Variants in PLD1 observed in about 807,000 individuals in gnomAD.
PLD1 encodes the protein phospholipase D1.
PLD1 carries 112 observed loss-of-function variants against 137.1 expected under a neutral mutation model. The ratio of observed to expected loss-of-function variants is 0.82; its 90% CI spans 0.70 to 0.96. The LOEUF is 0.96. Among genes scored for constraint, PLD1 ranks in the 40% least tolerant of loss-of-function variants. The pLI, the probability that PLD1 is intolerant of heterozygous loss-of-function variation, is 0.00. For synonymous variants in PLD1, 431 were observed against 454.7 expected, an observed-to-expected ratio of 0.95 and a Z score of 0.66; for missense variants, 1,321 against 1,342.0, an observed-to-expected ratio of 0.98 and a Z score of 0.24.
intron 18 of PLD1, among the ~76,000 whole-genome samples, chr3:171,675,843 CTTTT>C (rs199846452): frequency 1.0e-4 from 14 of 138,652 alleles, no homozygotes; most frequent in Admixed American, 1.4e-4. Flanking sequence ...TGAATATGTA[CTTTT>C]TTTTTTTTTT....
At chr3:171,742,259 T>A (rs1213807097) in intron 1 of PLD1, among the ~76,000 whole-genome samples, 1 of 152,150 alleles carries the variant, frequency 6.6e-6, no homozygotes, top group Non-Finnish European at 1.5e-5. Context: ...AGGGTCTTGC[T>A]CTCTTGCCCA....
chr3:171,673,782 T>A (rs1247470493), intron 19 of PLD1, among the ~76,000 whole-genome samples: 1 of 152,214 alleles, frequency 6.6e-6, no homozygotes, highest in Admixed American at 6.5e-5. Context: ...TGGACTTTAC[T>A]TAAACAATTC....
intron 19 of PLD1, among the ~76,000 whole-genome samples, chr3:171,672,089 T>C (rs527855028): frequency 1.3e-5 from 2 of 150,916 alleles, no homozygotes; most frequent in South Asian, 4.2e-4. Flanking sequence ...CAAGCAGGAC[T>C]ATTCCTTAGA....
intron 8 of PLD1, among the ~76,000 whole-genome samples, chr3:171,719,408 T>C (rs1342423258): frequency 2.6e-5 from 4 of 152,226 alleles, no homozygotes; most frequent in Non-Finnish European, 5.9e-5. Flanking sequence ...CTACTATCTG[T>C]TCAATGCCTA....
intron 8 of PLD1, among the ~76,000 whole-genome samples, chr3:171,714,382 G>C (rs1717514123): frequency 6.6e-6 from 1 of 152,180 alleles, no homozygotes; most frequent in Non-Finnish European, 1.5e-5. Flanking sequence ...GAGGAGATGG[G>C]ATCCATTTAC....
chr3:171,603,411 T>C (rs191853853), intron 26 of PLD1, 109 bp from the exon 27 acceptor site: 209 of 714,506 alleles, frequency 2.9e-4, no homozygotes, highest in African/African-American at 2.6e-3. Flanking sequence ...ATGAAACATA[T>C]TATTAGTCTT....
Position 171,726,093 on chromosome 3 carries a change from A to C in PLD1, c.607-17T>G, listed in dbSNP as rs771675584. ...AAACTCTGTCTGAAAAGAAGCAAAAAATCCATCTTTAGCAAGCAAAACAAT... is the reference window on the plus strand; with the variant it reads ...AAACTCTGTCTGAAAAGAAGCAAAACATCCATCTTTAGCAAGCAAAACAAT... On this transcript the variant is annotated splice_polypyrimidine_tract_variant and intron_variant, in intron 6 of 26. Coordinates refer to ENST00000351298, the MANE Select transcript of PLD1 (RefSeq NM_002662.5). The C allele has an allele frequency of 6.3e-7, 1 of 1,592,050 alleles. No homozygotes were observed. Among genetic ancestry groups the C allele is most frequent in the Non-Finnish European group, 8.6e-7 (1 of 1,160,148 alleles).
intron 9 of PLD1, among the ~76,000 whole-genome samples, chr3:171,711,669 A>G (rs1717242226): frequency 6.6e-6 from 1 of 152,038 alleles, no homozygotes; most frequent in African/African-American, 2.4e-5. Context: ...ATTTGGTGTG[A>G]GTGTGGGAGG....
intron 5 of PLD1, among the ~76,000 whole-genome samples, chr3:171,734,143 A>G (rs575069946): frequency 6.6e-6 from 1 of 152,308 alleles, no homozygotes; most frequent in South Asian, 2.1e-4. Flanking sequence ...GTAAACCAAA[A>G]CTATATAATT....
At chr3:171,784,245 T>C (rs1722904485) in intron 1 of PLD1, among the ~76,000 whole-genome samples, 1 of 152,126 alleles carries the variant, frequency 6.6e-6, no homozygotes, top group Non-Finnish European at 1.5e-5. Context: ...AAAAAGCACA[T>C]GTTGCTGCTT....
chr3:171,617,590 G>A (rs1407653507), intron 24 of PLD1, among the ~76,000 whole-genome samples: 1 of 152,170 alleles, frequency 6.6e-6, no homozygotes, highest in African/African-American at 2.4e-5. Flanking sequence ...CTACTTGAAG[G>A]GGAGCTTGGC....
intron 23 of PLD1, among the ~76,000 whole-genome samples, chr3:171,631,651 G>T (rs966087485): frequency 1.7e-4 from 26 of 152,260 alleles, no homozygotes; most frequent in African/African-American, 6.3e-4. Context: ...AAGATGATTA[G>T]CGGGGACATG....
At chr3:171,682,474 T>C (rs1379895904) in intron 16 of PLD1, among the ~76,000 whole-genome samples, 1 of 152,234 alleles carries the variant, frequency 6.6e-6, no homozygotes, top group African/African-American at 2.4e-5. Flanking sequence ...GCAGAGAGGC[T>C]AACTCTCTTT....
At position 171,652,130 on chromosome 3, in the gene PLD1, T is replaced by C. The variant is rs188781509; in HGVS notation, c.2429+7083A>G. ...TTGGCATACTTAGATAAAATGTGTT[T>C]TGGCCAGGCGCGGTGGCTCATGCCT... is the stretch of plus-strand genomic sequence containing the variant. On this transcript the variant is annotated intron_variant, in intron 21 of 26. Transcript: ENST00000351298. Among the ~76,000 whole-genome samples the C allele has an allele frequency of 2.0e-3, 301 of 152,158 alleles. 1 individual carries two copies. Among genetic ancestry groups the C allele is most frequent in the African/African-American group, 7.0e-3 (290 of 41,512 alleles).
chr3:171,604,609 T>TA (rs1396747250), intron 26 of PLD1, among the ~76,000 whole-genome samples: 1 of 152,200 alleles, frequency 6.6e-6, no homozygotes, highest in African/African-American at 2.4e-5. Flanking sequence ...GTTCTACTGT[T>TA]ACGCAACTCT....
intron 9 of PLD1, among the ~76,000 whole-genome samples, chr3:171,712,071 A>G (rs1370460640): frequency 6.6e-6 from 1 of 152,180 alleles, no homozygotes; most frequent in African/African-American, 2.4e-5. Context: ...TCCTGATGAG[A>G]CGCAGGGAAG....
At chr3:171,611,459 G>A (rs1186030608) in intron 25 of PLD1, 16 of 385,236 alleles carry the variant, frequency 4.2e-5, no homozygotes, top group Admixed American at 1.6e-4. Context: ...CAGTTACAGC[G>A]CAGCCCTTGA....
chr3:171,764,999 A>AAAGAAAGG (rs1721874704), intron 1 of PLD1: 2 of 143,604 alleles, frequency 1.4e-5, no homozygotes, highest in Non-Finnish European at 3.1e-5. Context: ...AGAAAGAAAG[A>AAAGAAAGG]AAGAAAGAGA....
At chr3:171,719,706 T>C (rs1275838127) in intron 8 of PLD1, among the ~76,000 whole-genome samples, 3 of 152,252 alleles carry the variant, frequency 2.0e-5, no homozygotes, top group African/African-American at 7.2e-5. Context: ...TAAGACATTA[T>C]TTGACATAAG....
Sources: gnomAD v4.1 joint callset for allele counts (sites outside exome capture counted in the v4.1 genomes callset) on GRCh38, gnomAD v4.1.1 for gene constraint, MANE v1.5 for transcripts, NCBI Gene and HGNC (gene_info 2026-07-23, HGNC 2026-07-21) for gene names.